GLIS3: variants seen among roughly 807,000 people sequenced by gnomAD.
GLIS3 encodes the protein zinc finger protein GLIS3.
GLIS3 carries 53 observed loss-of-function variants against 78.6 expected under a neutral mutation model. That is an observed-to-expected ratio of 0.67 (90% CI 0.54 to 0.85). The LOEUF is 0.85. Ranked by LOEUF, GLIS3 falls within the 40% of genes least tolerant of loss-of-function variation. The pLI, the probability that GLIS3 is intolerant of heterozygous loss-of-function variation, is 0.00. For synonymous variants in GLIS3, 684 were observed against 509.9 expected (o/e 1.34, Z -4.60); for missense variants, 1,703 against 1,231.1 (o/e 1.38, Z -5.74).
chr9:4,468,470 G>C, the GLIS3 span, among the ~76,000 whole-genome samples: 1 of 152,164 alleles, frequency 6.6e-6, no homozygotes, highest in Admixed American at 6.5e-5. Context: ...AAGAGAGTGG[G>C]GGCCAATATT....
intron 4 of GLIS3, among the ~76,000 whole-genome samples, chr9:4,010,540 C>T (rs1014268592): frequency 6.6e-6 from 1 of 152,026 alleles, no homozygotes; most frequent in Non-Finnish European, 1.5e-5. Context: ...AAGAAGAAGC[C>T]ACAATTCCTC....
At chr9:4,030,000 T>G (rs1823692004) in intron 4 of GLIS3, among the ~76,000 whole-genome samples, 1 of 152,198 alleles carries the variant, frequency 6.6e-6, no homozygotes. Context: ...GCTCAATTTT[T>G]GTTTTTTTGA....
chr9:4,165,483 G>A (rs1835811000), intron 2 of GLIS3, among the ~76,000 whole-genome samples: 1 of 152,100 alleles, frequency 6.6e-6, no homozygotes, highest in Non-Finnish European at 1.5e-5. Context: ...TTTTCCATGG[G>A]GGGAAAAAGA....
At chr9:3,994,699 A>C (rs1820601809) in intron 4 of GLIS3, among the ~76,000 whole-genome samples, 1 of 152,140 alleles carries the variant, frequency 6.6e-6, no homozygotes, top group Non-Finnish European at 1.5e-5. Flanking sequence ...CCTGTGCTCA[A>C]CCCTGCCACC....
At chr9:4,024,738 C>A (rs760954781) in intron 4 of GLIS3, among the ~76,000 whole-genome samples, 5 of 152,136 alleles carry the variant, frequency 3.3e-5, no homozygotes, top group Admixed American at 6.6e-5. Context: ...TTACTTAATT[C>A]TTCTTCTTCT....
chr9:3,990,492 G>C (rs1434893668), intron 4 of GLIS3, among the ~76,000 whole-genome samples: 3 of 152,194 alleles, frequency 2.0e-5, no homozygotes, highest in Non-Finnish European at 4.4e-5. Flanking sequence ...CTCACCTCAT[G>C]CATCCCTAAC....
chr9:4,172,589 T>A (rs1476270092), intron 2 of GLIS3, among the ~76,000 whole-genome samples: 2 of 152,184 alleles, frequency 1.3e-5, no homozygotes, highest in Non-Finnish European at 2.9e-5. Flanking sequence ...ATGATATAAA[T>A]ATTTTTGGAA....
intron 4 of GLIS3, among the ~76,000 whole-genome samples, chr9:3,980,968 G>A (rs1041801650): frequency 1.3e-5 from 2 of 152,150 alleles, no homozygotes; most frequent in African/African-American, 4.8e-5. Flanking sequence ...TGCTCAGCAT[G>A]CGTGCAAGCT....
chr9:4,279,128 C>T (rs1356833928), intron 2 of GLIS3, among the ~76,000 whole-genome samples: 1 of 151,464 alleles, frequency 6.6e-6, no homozygotes, highest in Non-Finnish European at 1.5e-5. Context: ...GGTGAAACCC[C>T]ATCTCTAATA....
intron 2 of GLIS3, among the ~76,000 whole-genome samples, chr9:4,274,190 T>A (rs1449286798): frequency 6.6e-6 from 1 of 152,220 alleles, no homozygotes; most frequent in Non-Finnish European, 1.5e-5. Context: ...AAGTCCATGT[T>A]GTTTCCCTAC....
At chr9:4,004,892 T>C (rs1780297523) in intron 4 of GLIS3, among the ~76,000 whole-genome samples, 1 of 152,234 alleles carries the variant, frequency 6.6e-6, no homozygotes, top group African/African-American at 2.4e-5. Context: ...CTATTATATA[T>C]TGTTTCAACA....
chr9:4,270,455 G>T (rs1316343529), intron 2 of GLIS3, among the ~76,000 whole-genome samples: 1 of 152,122 alleles, frequency 6.6e-6, no homozygotes, highest in Non-Finnish European at 1.5e-5. Context: ...ATGTAATTGA[G>T]TTGTCAGCTA....
At position 4,024,650 on chromosome 9, in the gene GLIS3, C is replaced by T. The variant is rs772890066; in HGVS notation, c.1711-87461G>A. On this transcript the variant is annotated intron_variant, in intron 4 of 10. Transcript: ENST00000381971. ...GGGAGTGCATGGGAGGAGGTCTGCT[C>T]TTCCTGATTGCTGATAAAACTGTAC... Among the ~76,000 whole-genome samples, 24 of 152,192 alleles carry T rather than the reference C, an allele frequency of 1.6e-4. 1 individual carries two copies. Among genetic ancestry groups the T allele is most frequent in the Admixed American group, 2.0e-4 (3 of 15,276 alleles).
chr9:3,857,702 C>T (rs10973856), intron 8 of GLIS3, among the ~76,000 whole-genome samples: 43,811 of 152,030 alleles, frequency 0.29, 7,312 homozygotes, highest in East Asian at 0.73. Context: ...TAAGTGACTG[C>T]ACCGTGCTGA....
the GLIS3 span, among the ~76,000 whole-genome samples, chr9:4,394,356 T>G: frequency 5.9e-5 from 9 of 152,052 alleles, no homozygotes; most frequent in African/African-American, 1.9e-4. Flanking sequence ...TATTTAATCT[T>G]TAAGCCCCTA....
chr9:3,909,472 A>C (rs948275610), intron 6 of GLIS3, among the ~76,000 whole-genome samples: 5 of 152,206 alleles, frequency 3.3e-5, no homozygotes, highest in African/African-American at 1.2e-4. Context: ...GACTTAGAGA[A>C]ACGGCATTGG....
At chr9:4,280,580 T>C (rs1587287449) in intron 2 of GLIS3, among the ~76,000 whole-genome samples, 1 of 152,176 alleles carries the variant, frequency 6.6e-6, no homozygotes, top group Admixed American at 6.6e-5. Context: ...TAAAAAATGA[T>C]AAATTCAGCG....
chr9:4,297,450 T>C (rs896389540), intron 1 of GLIS3, among the ~76,000 whole-genome samples: 1 of 152,124 alleles, frequency 6.6e-6, no homozygotes, highest in Admixed American at 6.5e-5. Flanking sequence ...CCCGGCCCCA[T>C]ACTAAAGGGA....
the GLIS3 span, among the ~76,000 whole-genome samples, chr9:4,451,256 C>G: frequency 1.3e-5 from 2 of 152,088 alleles, no homozygotes; most frequent in Non-Finnish European, 2.9e-5. Flanking sequence ...CAAAGAAGGC[C>G]ACTACATGAT....
Sources: gnomAD v4.1 joint callset for allele counts (sites outside exome capture counted in the v4.1 genomes callset) on GRCh38, gnomAD v4.1.1 for gene constraint, MANE v1.5 for transcripts, NCBI Gene and HGNC (gene_info 2026-07-23, HGNC 2026-07-21) for gene names.